TAB2: variants seen among roughly 807,000 people sequenced by gnomAD.
The protein encoded by TAB2 is TGF-beta activated kinase 1 (MAP3K7) binding protein 2.
Under a neutral mutation model 65.0 loss-of-function variants are expected in TAB2, and 3 were observed. The observed-to-expected ratio is 0.05, with a 90% CI of 0.02 to 0.12. The LOEUF (loss-of-function observed/expected upper bound fraction) is 0.12, where lower values mean the gene tolerates loss of function less well. TAB2 is among the 10% of genes least tolerant of loss of function. The pLI is 1.00. For missense variants in TAB2, 623 were observed against 840.3 expected (o/e 0.74, Z 3.20); for synonymous variants, 298 against 285.1 (o/e 1.05, Z -0.46).
chr6:149,337,782 T>C (rs1779979191), intron 1 of TAB2, among the ~76,000 whole-genome samples: 1 of 150,614 alleles, frequency 6.6e-6, no homozygotes, highest in East Asian at 1.9e-4. Flanking sequence ...ATACTATACT[T>C]ACACAGAGGG....
At chr6:149,295,932 C>T (rs535968421) in intron 1 of TAB2, among the ~76,000 whole-genome samples, 86 of 152,208 alleles carry the variant, frequency 5.7e-4, no homozygotes, top group African/African-American at 1.6e-3. Context: ...CTACTACACC[C>T]GGCTAATTTT....
In TAB2 at chr6:149,409,582, A is replaced by G. The variant is rs1224635458; in HGVS notation, c.1945A>G (p.Arg649Gly). ...GPVPPKPKDQ[R>G]SIIKTPKTQD... ...AATTTTTTTCTTTCTTACAGATCAA[A>G]GGTCCATCATCAAAACACCAAAGAC... is the stretch of plus-strand genomic sequence containing the variant. Residue 649 changes from arginine to glycine, a missense_variant, in exon 7 of 7, where the codon AGG (arginine) becomes GGG (glycine). By Grantham distance (125) the Arg-to-Gly change is moderately radical. Coordinates refer to ENST00000637181, the MANE Select transcript of TAB2 (RefSeq NM_001292034.3). 2 of 1,613,644 alleles carry G rather than the reference A, an allele frequency of 1.2e-6. No homozygotes were observed. The highest frequency in any genetic ancestry group is 2.7e-5 in the African/African-American group (2 of 75,026).
At chr6:149,253,699 G>A (rs536883436) in intron 1 of TAB2, among the ~76,000 whole-genome samples, 140 of 151,290 alleles carry the variant, frequency 9.3e-4, no homozygotes, top group South Asian at 3.8e-3. Context: ...TGAGAGGGGC[G>A]GATCGCAAAG....
rs745305764 is a variant in TAB2 at position 149,397,868 on chromosome 6, CTTGT to C, written c.1765-98_1765-95del. On this transcript the variant is annotated intron_variant, in intron 4 of 6. Transcript: ENST00000637181. ...TAGTTTTCTTCAGATGTTCTTAACT[CTTGT>C]TTTTCTGTCCTTACTTTCTTGTGCC... is the stretch of plus-strand genomic sequence containing the variant. 6.9e-5 allele frequency: 109 copies of C among 1,577,696 alleles called. 1 individual carries two copies. In the East Asian group the frequency reaches 1.1e-3, roughly 16 times the overall value.
intron 1 of TAB2, among the ~76,000 whole-genome samples, chr6:149,352,444 C>T (rs1780521434): frequency 6.6e-6 from 1 of 152,118 alleles, no homozygotes; most frequent in Non-Finnish European, 1.5e-5. Flanking sequence ...AGTTTCTAAC[C>T]ATTCCTGTTA....
intron 1 of TAB2, among the ~76,000 whole-genome samples, chr6:149,298,618 A>C (rs774495686): frequency 4.0e-4 from 61 of 152,308 alleles, no homozygotes; most frequent in Non-Finnish European, 2.4e-4. Flanking sequence ...ACAACAACAA[A>C]AAAAGACTCC....
intron 6 of TAB2, chr6:149,400,109 C>G (rs1267029223): frequency 2.3e-6 from 1 of 441,844 alleles, no homozygotes; most frequent in African/African-American, 2.0e-5. Flanking sequence ...TAAGTCCTCA[C>G]TTATTAGTAA....
chr6:149,309,108 T>A (rs1288553534), intron 1 of TAB2, among the ~76,000 whole-genome samples: 6 of 152,336 alleles, frequency 3.9e-5, no homozygotes, highest in African/African-American at 1.4e-4. Flanking sequence ...CTTATTTTTT[T>A]ATTTTTTCCC....
At chr6:149,289,394 TA>T (rs35631773) in intron 1 of TAB2, among the ~76,000 whole-genome samples, 35,680 of 146,460 alleles carry the variant, frequency 0.24, 4,341 homozygotes, top group East Asian at 0.43. Context: ...ACCCTGTCTC[TA>T]AAAAAAAAAA....
Position 149,279,624 on chromosome 6 carries a change from C to G in TAB2, c.-121+60848C>G, listed in dbSNP as rs76155655. Among the ~76,000 whole-genome samples the G allele has an allele frequency of 4.8e-3, 728 of 152,200 alleles. 7 individuals are homozygous for G. Among genetic ancestry groups the G allele is most frequent in the African/African-American group, 0.016 (672 of 41,520 alleles). On this transcript the variant is annotated intron_variant, in intron 1 of 1. Coordinates refer to the TAB2 transcript ENST00000606202. Reference sequence around the variant, plus strand: ...CTACAACGCACAGGAATATCTGGCCCGAAATATCTCACCACAAAGAATATC... The same window carrying G: ...CTACAACGCACAGGAATATCTGGCCGGAAATATCTCACCACAAAGAATATC...
intron 1 of TAB2, among the ~76,000 whole-genome samples, chr6:149,294,806 C>T (rs1487629145): frequency 6.6e-6 from 1 of 152,200 alleles, no homozygotes; most frequent in Non-Finnish European, 1.5e-5. Context: ...AATTCTCCCA[C>T]TGGCCAGCTT....
chr6:149,281,916 T>C (rs533856840), intron 1 of TAB2, among the ~76,000 whole-genome samples: 1 of 152,306 alleles, frequency 6.6e-6, no homozygotes, highest in Non-Finnish European at 1.5e-5. Context: ...AAATATACTA[T>C]GCTAACACTA....
intron 1 of TAB2, chr6:149,246,028 C>T (rs1777705988): frequency 6.6e-6 from 1 of 152,198 alleles, no homozygotes; most frequent in Non-Finnish European, 1.5e-5. Flanking sequence ...AAGCAATTCT[C>T]CTGCCTCAGC....
At chr6:149,246,350 A>G (rs974829870) in intron 1 of TAB2, 2 of 152,104 alleles carry the variant, frequency 1.3e-5, no homozygotes, top group African/African-American at 4.8e-5. Flanking sequence ...TTTTTACAGG[A>G]CTCTGTTTTC....
chr6:149,336,603 G>A (rs1562421446), intron 1 of TAB2, among the ~76,000 whole-genome samples: 1 of 152,176 alleles, frequency 6.6e-6, no homozygotes, highest in Non-Finnish European at 1.5e-5. Flanking sequence ...TACATTAGTA[G>A]TTGTAGGAAA....
intron 3 of TAB2, among the ~76,000 whole-genome samples, chr6:149,388,621 T>C (rs1781877956): frequency 6.6e-6 from 1 of 152,174 alleles, no homozygotes; most frequent in South Asian, 2.1e-4. Flanking sequence ...TAGGTAAAAA[T>C]ATATTGTTGC....
intron 6 of TAB2, among the ~76,000 whole-genome samples, chr6:149,408,419 T>C (rs1234510845): frequency 6.6e-6 from 1 of 152,212 alleles, no homozygotes; most frequent in Non-Finnish European, 1.5e-5. Flanking sequence ...AGAAAGGTGC[T>C]GCTAAAGGGG....
At chr6:149,236,353 C>A (rs866277748) in intron 1 of TAB2, among the ~76,000 whole-genome samples, 2 of 152,228 alleles carry the variant, frequency 1.3e-5, no homozygotes. Context: ...GCTTCTATAT[C>A]TCTAAATAAG....
At chr6:149,236,805 C>T (rs951856520) in intron 1 of TAB2, among the ~76,000 whole-genome samples, 1 of 152,110 alleles carries the variant, frequency 6.6e-6, no homozygotes, top group Admixed American at 6.5e-5. Context: ...TAAAAGGAGA[C>T]AAGAGCTGTT....
Sources: allele counts gnomAD v4.1 joint callset (sites outside exome capture counted in the v4.1 genomes callset), GRCh38; gene constraint gnomAD v4.1.1; transcripts MANE v1.5; gene names NCBI Gene and HGNC (gene_info 2026-07-23, HGNC 2026-07-21).